The following DOP1B variants were observed in gnomAD, a reference collection of about 807,000 sequenced individuals.
The protein encoded by DOP1B is protein DOP1B.
Under a neutral mutation model 233.5 loss-of-function variants are expected in DOP1B, and 174 were observed. That is an observed-to-expected ratio of 0.75 (90% CI 0.66 to 0.85). The LOEUF (loss-of-function observed/expected upper bound fraction) is 0.85. Ranked by LOEUF, DOP1B falls within the 40% of genes least tolerant of loss-of-function variation. The pLI, the probability that DOP1B is intolerant of heterozygous loss-of-function variation, is 0.00. For synonymous variants in DOP1B, 1,190 were observed against 1,185.6 expected, an observed-to-expected ratio of 1.00 and a Z score of -0.08; for missense variants, 2,652 against 2,846.6, an observed-to-expected ratio of 0.93 and a Z score of 1.56.
At chr21:36,287,889 A>G in intron 32 of DOP1B, 125 bp from the exon 33 acceptor site, 1 of 1,250,428 alleles carries the variant, frequency 8.0e-7, no homozygotes, top group East Asian at 2.4e-5. Context: ...CTGGCCTGTA[A>G]CACTCATTCC....
At position 36,260,686 on chromosome 21, in the gene DOP1B, C is replaced by T; in HGVS notation, c.5269C>T (p.Leu1757=). 6.2e-7 allele frequency: 1 copy of T among 1,614,116 alleles called. No homozygotes were observed. Among genetic ancestry groups the T allele is most frequent in the South Asian group, 1.1e-5 (1 of 91,068 alleles). The stretch of plus-strand genomic sequence containing the variant: ...TTACTTTCATTTTCAGAAATCGCCC[C>T]TAGTGGACATTCCTGTGTTGCAGTT... The part of the protein sequence containing the change: ...QVKGGDEKSP[L]VDIPVLQFCY... The change falls in exon 24 of 37, where the codon CTA becomes TTA. Residue 1757 remains leucine, a synonymous_variant. Coordinates refer to ENST00000691173, the MANE Select transcript of DOP1B (RefSeq NM_001320714.2).
At chr21:36,171,334 G>T (rs1299960562) in intron 2 of DOP1B, among the ~76,000 whole-genome samples, 1 of 152,212 alleles carries the variant, frequency 6.6e-6, no homozygotes, top group Non-Finnish European at 1.5e-5. Context: ...TAACCTACTT[G>T]CCCAGTGTCT....
chr21:36,269,281 A>G (rs868302211), intron 26 of DOP1B, among the ~76,000 whole-genome samples: 7 of 151,734 alleles, frequency 4.6e-5, no homozygotes, highest in Admixed American at 2.0e-4. Flanking sequence ...TCAGCCTCCA[A>G]AGTAGCTGGG....
chr21:36,178,217 A>C (rs2066053490), intron 2 of DOP1B, among the ~76,000 whole-genome samples: 1 of 152,192 alleles, frequency 6.6e-6, no homozygotes, highest in Non-Finnish European at 1.5e-5. Context: ...GAGGGCAGGC[A>C]CAGTGGCTCA....
intron 22 of DOP1B, among the ~76,000 whole-genome samples, chr21:36,252,501 A>G (rs1489744630): frequency 6.6e-6 from 1 of 151,848 alleles, no homozygotes; most frequent in Non-Finnish European, 1.5e-5. Context: ...CATGATAATA[A>G]AGAAAATTGA....
At chr21:36,198,507 G>A (rs2066320253) in intron 2 of DOP1B, among the ~76,000 whole-genome samples, 1 of 152,042 alleles carries the variant, frequency 6.6e-6, no homozygotes, top group African/African-American at 2.4e-5. Flanking sequence ...GTTACTCTGT[G>A]CCACGAAGGA....
Position 36,237,760 on chromosome 21 carries a change from G to A in DOP1B, c.2775+346G>A, listed in dbSNP as rs78827308. On this transcript the variant is annotated intron_variant, in intron 16 of 36. Transcript: ENST00000691173. ...TTAAGAACTTATTGAAGCAGGGCGT[G>A]GTGGCTCACACCCGTAATCCCAGCA... is the stretch of plus-strand genomic sequence containing the variant. 6.6e-4 allele frequency among the ~76,000 whole-genome samples: 101 copies of A among 152,332 alleles called. 1 individual carries two copies. In the East Asian group the frequency reaches 0.017, roughly 26 times the overall value.
rs1225195736 is a variant in DOP1B at position 36,214,545 on chromosome 21, A to G, written c.1118A>G (p.Lys373Arg). The change falls in exon 9 of 37, where the codon AAG (lysine) becomes AGG (arginine). Residue 373 changes from lysine (K) to arginine (R), a missense_variant. This residue lies in a region of DOP1B where 2,617 missense variants were observed against 2,794.3 expected (regional missense o/e 0.94). Coordinates refer to ENST00000691173, the MANE Select transcript of DOP1B (RefSeq NM_001320714.2). ...PFRVLISLLD[K>R]PEIGPQVVGN... is the part of the protein sequence containing the mutation. ...CGCGTCCTCATCAGTCTGCTTGACA[A>G]GCCAGAAATAGGTAATGTTAGAAAT... is the stretch of plus-strand genomic sequence containing the variant. The G allele has an allele frequency of 3.1e-6, 5 of 1,613,848 alleles. No individual in the cohort carries two copies. In the Admixed American group the frequency reaches 8.3e-5, roughly 27 times the overall value.
chr21:36,245,874 C>G lies in DOP1B; in HGVS notation c.3894C>G (p.Leu1298=), dbSNP rs199849243. Residue 1298 remains leucine, a synonymous_variant, in exon 19 of 37, where the codon CTC becomes CTG. Transcript: ENST00000691173. This position sits in a 1 kb window ranked among gnomAD's most constrained non-coding sequence, Gnocchi z 5.5. ...ALIGQSFYGK[L]QTQVPNVCPH... ...TTGGCCAGAGTTTCTACGGAAAGCT[C>G]CAGACCCAGGTCCCCAACGTGTGCC... 7.4e-6 allele frequency: 12 copies of G among 1,613,776 alleles called. No individual in the cohort carries two copies. The highest frequency in any genetic ancestry group is 3.3e-4 in the Middle Eastern group (2 of 6,062).
intron 2 of DOP1B, among the ~76,000 whole-genome samples, chr21:36,183,519 A>G (rs2066126198): frequency 6.6e-6 from 1 of 152,220 alleles, no homozygotes; most frequent in South Asian, 2.1e-4. Flanking sequence ...GTCTGTTGAC[A>G]GTAAAGGTAT....
chr21:36,271,100 G>A (rs1200610208), intron 27 of DOP1B, among the ~76,000 whole-genome samples: 1 of 151,060 alleles, frequency 6.6e-6, no homozygotes, highest in Non-Finnish European at 1.5e-5. Context: ...AATTAAAACT[G>A]GTAAGGGAAA....
At chr21:36,206,061 G>T (rs1191516002) in intron 4 of DOP1B, among the ~76,000 whole-genome samples, 1 of 151,384 alleles carries the variant, frequency 6.6e-6, no homozygotes, top group African/African-American at 2.4e-5. Context: ...ACTAATATTG[G>T]AATTTAACAA....
intron 8 of DOP1B, 26 bp downstream of exon 8, chr21:36,214,216 A>G: frequency 6.4e-7 from 1 of 1,574,140 alleles, no homozygotes; most frequent in Non-Finnish European, 8.7e-7. Flanking sequence ...CGGAAAGTTC[A>G]GGGTATCCTT....
intron 33 of DOP1B, among the ~76,000 whole-genome samples, chr21:36,288,363 T>C (rs2067513292): frequency 6.6e-6 from 1 of 152,178 alleles, no homozygotes; most frequent in African/African-American, 2.4e-5. Context: ...CCAACTAACT[T>C]GTACCATTTG....
chr21:36,219,948 T>C lies in DOP1B; in HGVS notation c.1250+456T>C, dbSNP rs559628728. On this transcript the variant is annotated intron_variant, in intron 10 of 36. Transcript: ENST00000691173. ...GGAGTCCAGGGGGTGTTGGGGGAGATTGGGGGAGACCCAGGCAGGGCACCG... is the reference window on the plus strand; with the variant it reads ...GGAGTCCAGGGGGTGTTGGGGGAGACTGGGGGAGACCCAGGCAGGGCACCG... 1.3e-3 allele frequency among the ~76,000 whole-genome samples: 194 copies of C among 151,638 alleles called. 2 individuals are homozygous for C. In the Middle Eastern group the frequency reaches 0.024, roughly 19 times the overall value.
At chr21:36,181,650 A>G (rs2066099782) in intron 2 of DOP1B, among the ~76,000 whole-genome samples, 1 of 152,174 alleles carries the variant, frequency 6.6e-6, no homozygotes, top group South Asian at 2.1e-4. Context: ...CCCACAGGAA[A>G]AGGGAAGGAC....
intron 32 of DOP1B, among the ~76,000 whole-genome samples, chr21:36,285,611 G>C (rs969927050): frequency 1.3e-5 from 2 of 152,086 alleles, no homozygotes; most frequent in Admixed American, 6.6e-5. Flanking sequence ...CACTGAACTT[G>C]CCTGGAGATG....
chr21:36,258,336 A>G (rs2123627311), intron 23 of DOP1B, among the ~76,000 whole-genome samples: 2 of 152,218 alleles, frequency 1.3e-5, no homozygotes, highest in Middle Eastern at 6.8e-3. Context: ...GAGCCAGGGA[A>G]GTTGAAGCTG....
intron 2 of DOP1B, among the ~76,000 whole-genome samples, chr21:36,172,500 G>A (rs889966922): frequency 9.2e-5 from 14 of 152,220 alleles, no homozygotes; most frequent in Admixed American, 6.5e-4. Context: ...AGTGATGCAT[G>A]CCTGTAATCC....
Sources: allele counts gnomAD v4.1 joint callset (sites outside exome capture counted in the v4.1 genomes callset), GRCh38; gene constraint gnomAD v4.1.1; regional missense constraint gnomAD v4.1.1; non-coding constraint Gnocchi (gnomAD v3.1); transcripts MANE v1.5; gene names NCBI Gene and HGNC (gene_info 2026-07-23, HGNC 2026-07-21).